The following ROS1 variants were observed in gnomAD, a reference collection of about 807,000 sequenced individuals.
ROS1 encodes the protein ROS proto-oncogene 1, receptor tyrosine kinase, also known as proto-oncogene tyrosine-protein kinase ROS.
In ROS1, 263 loss-of-function variants were observed where a neutral mutation model predicts 273.5. That is an observed-to-expected ratio of 0.96 (90% CI 0.87 to 1.06). The LOEUF is 1.06. ROS1 is among the 50% of genes least tolerant of loss of function. The pLI, the probability that ROS1 is intolerant of heterozygous loss-of-function variation, is 0.00. For missense variants in ROS1, 2,833 were observed against 2,751.1 expected (o/e 1.03, Z -0.67); for synonymous variants, 1,008 against 954.1 (o/e 1.06, Z -1.04).
At chr6:117,352,487 CTT>C (rs1298462094) in intron 27 of ROS1, among the ~76,000 whole-genome samples, 4 of 151,940 alleles carry the variant, frequency 2.6e-5, no homozygotes, top group Admixed American at 6.6e-5. Flanking sequence ...AAGATAAAAA[CTT>C]AATAAAAATG....
intron 43 of ROS1, among the ~76,000 whole-genome samples, chr6:117,292,534 C>T (rs1411648973): frequency 6.6e-6 from 1 of 152,188 alleles, no homozygotes; most frequent in Non-Finnish European, 1.5e-5. Flanking sequence ...ATACCGGCTG[C>T]TCTCTGGGTT....
chr6:117,311,099 T>G lies in ROS1; in HGVS notation c.6136A>C (p.Thr2046Pro), dbSNP rs1562259733. The change falls in exon 40 of 44, where the codon ACC (threonine) becomes CCC (proline). Residue 2046 changes from threonine to proline, a missense_variant. Thr to Pro is a conservative substitution (Grantham distance 38, BLOSUM62 -1). Coordinates refer to ENST00000368507, the MANE Select transcript of ROS1 (RefSeq NM_001378902.1). ...CACAGGTCTACAAGGTCAACCAAGG[T>G]GAGTAAAGGACCATAAAACTGTAAG... ...RMATFYGPLL[T>P]LVDLVDLCVD... The G allele has an allele frequency of 6.2e-7, 1 of 1,608,264 alleles. No homozygotes were observed. The highest frequency in any genetic ancestry group is 1.3e-5 in the African/African-American group (1 of 74,600).
At chr6:117,299,373 G>A (rs1389690575) in intron 43 of ROS1, 13 of 152,144 alleles carry the variant, frequency 8.5e-5, no homozygotes, top group Non-Finnish European at 4.4e-5. Flanking sequence ...CTCATGTGAG[G>A]GTGATCTCAC....
In ROS1 at chr6:117,389,753, A is replaced by T; in HGVS notation, c.1383T>A (p.Ser461Arg). The T allele has an allele frequency of 6.2e-7, 1 of 1,613,726 alleles. No individual in the cohort carries two copies. The highest frequency in any genetic ancestry group is 1.1e-5 in the South Asian group (1 of 91,062). ...TGATTGCAAAGTCCTTTAACGTGCA[A>T]CTCTCCACAATACGCACAGCTTCTG... ...RCAEAVRIVESCTLKDFAIKP... is the reference protein window; with the variant it reads ...RCAEAVRIVERCTLKDFAIKP... The change falls in exon 13 of 44, where the codon AGT (serine) becomes AGA (arginine). Residue 461 changes from serine (S) to arginine (R), a missense_variant. Coordinates refer to ENST00000368507, the MANE Select transcript of ROS1 (RefSeq NM_001378902.1).
chr6:117,389,900 A>C, intron 12 of ROS1, 54 bp from the exon 13 acceptor site: 1 of 1,484,216 alleles, frequency 6.7e-7, no homozygotes, highest in Non-Finnish European at 9.2e-7. Flanking sequence ...GTTGATGAGT[A>C]ACCTCCTCAG....
intron 34 of ROS1, 81 bp downstream of exon 34, chr6:117,326,143 T>C: frequency 5.8e-6 from 3 of 517,112 alleles, no homozygotes; most frequent in Non-Finnish European, 3.3e-6. Context: ...CATTATCTAT[T>C]GCTAATGTTA....
chr6:117,312,621 T>C (rs1285565871), intron 39 of ROS1, among the ~76,000 whole-genome samples: 1 of 152,080 alleles, frequency 6.6e-6, no homozygotes, highest in East Asian at 1.9e-4. Flanking sequence ...AATTTCAGTC[T>C]GGTGGCTAGT....
At chr6:117,306,094 A>C (rs1280918010) in intron 42 of ROS1, among the ~76,000 whole-genome samples, 1 of 143,694 alleles carries the variant, frequency 7.0e-6, no homozygotes, top group Non-Finnish European at 1.5e-5. Context: ...GTTAGCCTCT[A>C]TGCATATTAA....
chr6:117,310,128 A>G lies in ROS1; in HGVS notation c.6369T>C (p.Ala2123=), dbSNP rs145358991. The change falls in exon 41 of 44, where the codon GCT becomes GCC. Residue 2123 remains alanine, a synonymous_variant. Transcript: ENST00000368507. ...AGATTCCATCCATCAAACTTTCTGG[A>G]GCCATCCACCGAACTGGGAGCAGGC... The part of the protein sequence containing the change: ...GEGLLPVRWM[A]PESLMDGIFT... 115 of 1,613,488 alleles carry G rather than the reference A, an allele frequency of 7.1e-5. No individual in the cohort carries two copies. The highest frequency in any genetic ancestry group is 1.0e-4 in the Admixed American group (6 of 59,912).
intron 1 of ROS1, among the ~76,000 whole-genome samples, chr6:117,421,216 G>T (rs1775728880): frequency 6.9e-6 from 1 of 145,972 alleles, no homozygotes; most frequent in African/African-American, 2.5e-5. Context: ...ATATTATATT[G>T]GAATTATATA....
At chr6:117,404,113 TG>T (rs1774188444) in intron 6 of ROS1, among the ~76,000 whole-genome samples, 166 bp downstream of exon 6, 1 of 151,632 alleles carries the variant, frequency 6.6e-6, no homozygotes, top group African/African-American at 2.4e-5. Context: ...CGGGCGCCTG[TG>T]GGCGGCTGAG....
chr6:117,345,052 A>T (rs951329558), intron 27 of ROS1, among the ~76,000 whole-genome samples: 7 of 152,222 alleles, frequency 4.6e-5, no homozygotes, highest in Admixed American at 2.6e-4. Flanking sequence ...TCCAAATATG[A>T]TTTTAATATG....
At chr6:117,297,237 A>T (rs1358416356) in intron 43 of ROS1, among the ~76,000 whole-genome samples, 1 of 152,192 alleles carries the variant, frequency 6.6e-6, no homozygotes, top group Non-Finnish European at 1.5e-5. Flanking sequence ...TTAAAGACTT[A>T]CATGTAATAA....
intron 18 of ROS1, among the ~76,000 whole-genome samples, chr6:117,378,681 A>C (rs1020215157): frequency 2.6e-5 from 4 of 152,220 alleles, no homozygotes; most frequent in African/African-American, 9.6e-5. Flanking sequence ...GAGGACACAG[A>C]TCAAGGAGAT....
chr6:117,356,928 A>T lies in ROS1; in HGVS notation c.3840-13T>A, dbSNP rs769029017. On this transcript the variant is annotated splice_polypyrimidine_tract_variant and intron_variant, in intron 25 of 43. Transcript: ENST00000368507. ...CCAATACAAGCGACTATAGAGGAAA[A>T]AAAAGTCCCCCCAACTTAATGAGTA... is the stretch of plus-strand genomic sequence containing the variant. 1 of 1,593,346 alleles carries T rather than the reference A, an allele frequency of 6.3e-7. No individual in the cohort carries two copies. Among genetic ancestry groups the T allele is most frequent in the South Asian group, 1.1e-5 (1 of 87,546 alleles).
rs12525149 is a variant in ROS1 at position 117,317,334 on chromosome 6, C to T, written c.5988-62G>A. 3.2e-6 allele frequency: 5 copies of T among 1,543,386 alleles called. No homozygotes were observed. The Admixed American group carries it at 9.6e-5, about 30-fold the overall frequency. The stretch of plus-strand genomic sequence containing the variant: ...AGAAGCAGGAGTCCTAGCCGAGGGT[C>T]TTTATGGAGTACAGCAATTCTTTAT... On this transcript the variant is annotated intron_variant, in intron 38 of 43. Coordinates refer to ENST00000368507, the MANE Select transcript of ROS1 (RefSeq NM_001378902.1).
rs1394041847 is a variant in ROS1 at position 117,337,253 on chromosome 6, T to C, written c.5149A>G (p.Thr1717Ala). The C allele has an allele frequency of 3.7e-6, 6 of 1,612,446 alleles. No homozygotes were observed. Among genetic ancestry groups the C allele is most frequent in the Non-Finnish European group, 8.5e-7 (1 of 1,179,010 alleles). ...ACCACTACTCTGACATTATATGAAGTATAAGGTTGTAGATTTGTGATATTA... is the reference window on the plus strand; with the variant it reads ...ACCACTACTCTGACATTATATGAAGCATAAGGTTGTAGATTTGTGATATTA... ...VCNITNLQPY[T>A]SYNVRVVVVY... is the part of the protein sequence containing the mutation. The change falls in exon 32 of 44, where the codon ACT becomes GCT. Residue 1717 changes from threonine (T) to alanine (A), a missense_variant. Coordinates refer to ENST00000368507, the MANE Select transcript of ROS1 (RefSeq NM_001378902.1).
intron 42 of ROS1, among the ~76,000 whole-genome samples, chr6:117,308,024 C>T (rs150679739): frequency 4.6e-4 from 70 of 152,254 alleles, no homozygotes; most frequent in African/African-American, 1.6e-3. Context: ...CCATACAATC[C>T]TTGGCATGCT....
Position 117,389,457 on chromosome 6 carries a change from G to A in ROS1, c.1679C>T (p.Ser560Phe), listed in dbSNP as rs865940125. ...GCCTGGCAGAGGGTGCAGCTGGGAG[G>A]ATGAGCCAAAGATGACCAAGTTACC... ...GFGNLVIFGS[S>F]SQLHPLPGRP... Residue 560 changes from serine (S) to phenylalanine (F), a missense_variant, in exon 13 of 44, where the codon TCC (serine) becomes TTC (phenylalanine). Transcript: ENST00000368507. 1 of 1,614,184 alleles carries A rather than the reference G, an allele frequency of 6.2e-7. No homozygotes were observed. Among genetic ancestry groups the A allele is most frequent in the Non-Finnish European group, 8.5e-7 (1 of 1,180,044 alleles).
Sources: allele counts gnomAD v4.1 joint callset (sites outside exome capture counted in the v4.1 genomes callset), GRCh38; gene constraint gnomAD v4.1.1; transcripts MANE v1.5; gene names NCBI Gene and HGNC (gene_info 2026-07-23, HGNC 2026-07-21).